Variants in ABCC1 observed in about 807,000 individuals in gnomAD.
ABCC1 encodes multidrug resistance-associated protein 1.
In ABCC1, 83 loss-of-function variants were observed where a neutral mutation model predicts 172.9. That is an observed-to-expected ratio of 0.48 (90% CI 0.40 to 0.58). ABCC1 has a LOEUF of 0.58. Among genes scored for constraint, ABCC1 ranks in the 20% least tolerant of loss-of-function variants. The pLI is 0.00. For missense variants in ABCC1, 1,817 were observed against 2,002.7 expected (o/e 0.91, Z 1.77); for synonymous variants, 937 against 825.2 (o/e 1.14, Z -2.32).
chr16:15,990,801 C>T (rs890670291), intron 1 of ABCC1, among the ~76,000 whole-genome samples: 7 of 150,290 alleles, frequency 4.7e-5, no homozygotes, highest in African/African-American at 7.3e-5. Flanking sequence ...AGGTGCCTGC[C>T]GCCACGCCCG....
In ABCC1 at chr16:16,052,715, C is replaced by G. The variant is rs373388856; in HGVS notation, c.1381-9C>G. The G allele has an allele frequency of 2.4e-5, 38 of 1,613,774 alleles. No individual in the cohort carries two copies. Among genetic ancestry groups the G allele is most frequent in the Non-Finnish European group, 2.7e-5 (32 of 1,179,824 alleles). ...GGTGAGTGATGAAGAGTCTCCTTTC[C>G]TTCCTTAGAATCTGGGCCCTTCCGT... On this transcript the variant is annotated splice_polypyrimidine_tract_variant and intron_variant, in intron 10 of 30. Transcript: ENST00000399410.
chr16:16,132,498 TTTTGGTTGGTTG>T (rs2045727023), intron 27 of ABCC1, among the ~76,000 whole-genome samples: 1 of 137,982 alleles, frequency 7.2e-6, no homozygotes, highest in Non-Finnish European at 1.6e-5. Context: ...TTTTTTTGTT[TTTTGGTTGGTTG>T]TTTTTTTTTT....
At chr16:16,106,541 C>T in intron 20 of ABCC1, 197 bp from the exon 21 acceptor site, 1 of 585,610 alleles carries the variant, frequency 1.7e-6, no homozygotes, top group Non-Finnish European at 2.9e-6. Flanking sequence ...CTGCCTTTCT[C>T]TGGGTACCTA....
chr16:16,030,415 C>T (rs1387801194), intron 5 of ABCC1, among the ~76,000 whole-genome samples: 1 of 152,106 alleles, frequency 6.6e-6, no homozygotes, highest in African/African-American at 2.4e-5. Flanking sequence ...ATCCCAGCTA[C>T]TTAGGAGGCC....
At chr16:16,077,534 T>C (rs1285457768) in intron 15 of ABCC1, among the ~76,000 whole-genome samples, 2 of 147,266 alleles carry the variant, frequency 1.4e-5, no homozygotes, top group African/African-American at 5.4e-5. Context: ...TATTTCAGTC[T>C]CACGTGGACA....
At chr16:16,129,411 G>A (rs1439028721) in intron 26 of ABCC1, among the ~76,000 whole-genome samples, 1 of 152,150 alleles carries the variant, frequency 6.6e-6, no homozygotes, top group Non-Finnish European at 1.5e-5. Flanking sequence ...CACTTTGGGA[G>A]GCCAAGGCAG....
intron 1 of ABCC1, among the ~76,000 whole-genome samples, chr16:15,954,853 T>G (rs1368962043): frequency 6.6e-6 from 1 of 152,222 alleles, no homozygotes; most frequent in African/African-American, 2.4e-5. Context: ...GATCTCTCTA[T>G]GTGGGTGTCT....
intron 12 of ABCC1, among the ~76,000 whole-genome samples, chr16:16,057,747 G>A (rs1034056037): frequency 2.0e-5 from 3 of 152,000 alleles, no homozygotes; most frequent in South Asian, 2.1e-4. Flanking sequence ...GTCTTGGTTC[G>A]TTCATTCTGG....
At chr16:16,013,214 C>T (rs1021047954) in intron 3 of ABCC1, among the ~76,000 whole-genome samples, 12 of 151,862 alleles carry the variant, frequency 7.9e-5, no homozygotes, top group Admixed American at 7.9e-4. Flanking sequence ...GACTATATCC[C>T]AGGGAACCAG....
intron 7 of ABCC1, among the ~76,000 whole-genome samples, chr16:16,038,172 T>C (rs1271700494): frequency 1.3e-5 from 2 of 151,784 alleles, no homozygotes; most frequent in Non-Finnish European, 2.9e-5. Flanking sequence ...GATAGATGGA[T>C]GATTGATAGA....
intron 27 of ABCC1, among the ~76,000 whole-genome samples, chr16:16,132,763 C>T (rs2045755428): frequency 6.6e-6 from 1 of 151,364 alleles, no homozygotes; most frequent in South Asian, 2.1e-4. Flanking sequence ...CTCAACTGAT[C>T]CACCCGCCTC....
intron 1 of ABCC1, among the ~76,000 whole-genome samples, chr16:15,999,508 G>A (rs1450580589): frequency 1.3e-5 from 2 of 151,582 alleles, no homozygotes; most frequent in Non-Finnish European, 2.9e-5. Context: ...CCAGCTACTC[G>A]GGAAGCTGAG....
At chr16:16,031,558 G>A (rs1266069372) in intron 5 of ABCC1, among the ~76,000 whole-genome samples, 1 of 152,154 alleles carries the variant, frequency 6.6e-6, no homozygotes, top group Non-Finnish European at 1.5e-5. Flanking sequence ...TGTAGACTGT[G>A]CACAGCCTCC....
intron 6 of ABCC1, among the ~76,000 whole-genome samples, chr16:16,034,753 A>G (rs1487250451): frequency 6.6e-6 from 1 of 151,686 alleles, no homozygotes; most frequent in African/African-American, 2.4e-5. Flanking sequence ...ACATCCAGCT[A>G]ATTTTTGTAT....
At chr16:15,963,608 C>A (rs1317600469) in intron 1 of ABCC1, among the ~76,000 whole-genome samples, 3 of 152,194 alleles carry the variant, frequency 2.0e-5, no homozygotes, top group Non-Finnish European at 4.4e-5. Context: ...AGGCTCAATA[C>A]CACATGGAAG....
intron 1 of ABCC1, among the ~76,000 whole-genome samples, chr16:15,973,045 T>G (rs1372955190): frequency 6.6e-6 from 1 of 152,106 alleles, no homozygotes; most frequent in African/African-American, 2.4e-5. Flanking sequence ...TCTGCCCACC[T>G]CAGCCTCCCA....
chr16:16,075,722 G>T (rs140625875), intron 14 of ABCC1, among the ~76,000 whole-genome samples: 1 of 152,172 alleles, frequency 6.6e-6, no homozygotes, highest in African/African-American at 2.4e-5. Flanking sequence ...TTCCTGTTCC[G>T]TATCCTCTTT....
At chr16:15,979,048 T>A (rs1389169222) in intron 1 of ABCC1, among the ~76,000 whole-genome samples, 2 of 152,080 alleles carry the variant, frequency 1.3e-5, no homozygotes, top group African/African-American at 4.8e-5. Context: ...GTCCCAGCAC[T>A]TCGGGGGGCC....
chr16:16,111,293 GTGAAGCCCCCGACC>G (rs1209226885), intron 21 of ABCC1, 68 bp from the exon 22 acceptor site: 1 of 1,193,940 alleles, frequency 8.4e-7, no homozygotes, highest in African/African-American at 1.5e-5. Context: ...CACAGTGCTG[GTGAAGCCCCCGACC>G]TTGTGGGGCT....
Sources: gnomAD v4.1 joint callset for allele counts (sites outside exome capture counted in the v4.1 genomes callset) on GRCh38, gnomAD v4.1.1 for gene constraint, MANE v1.5 for transcripts, NCBI Gene and HGNC (gene_info 2026-07-23, HGNC 2026-07-21) for gene names.